Variants in STK17B observed in about 807,000 individuals in gnomAD.
The protein encoded by STK17B is serine/threonine kinase 17b, also known as serine/threonine-protein kinase 17B.
STK17B carries 21 observed loss-of-function variants against 42.0 expected under a neutral mutation model. That is an observed-to-expected ratio of 0.50 (90% CI 0.35 to 0.72). The LOEUF is 0.72. Ranked by LOEUF, STK17B falls within the 30% of genes least tolerant of loss-of-function variation. The probability of loss-of-function intolerance (pLI) is 0.00; values close to 1 mark genes in which losing one functional copy is unlikely to be tolerated. For synonymous variants in STK17B, 143 were observed against 148.4 expected (o/e 0.96, Z 0.26); for missense variants, 349 against 446.0 (o/e 0.78, Z 1.96).
upstream of STK17B, among the ~76,000 whole-genome samples, chr2:196,175,463 TA>T (rs1178086260): frequency 6.6e-6 from 1 of 152,046 alleles, no homozygotes; most frequent in East Asian, 1.9e-4. Flanking sequence ...CCGTCTCTAC[TA>T]AAAATACAAA....
chr2:196,150,052 A>C (rs1699642025), intron 3 of STK17B, among the ~76,000 whole-genome samples: 1 of 152,162 alleles, frequency 6.6e-6, no homozygotes, highest in African/African-American at 2.4e-5. Flanking sequence ...AGAGGAGGGA[A>C]AGAACTGATA....
At chr2:196,170,146 T>A (rs1419372696) in intron 1 of STK17B, among the ~76,000 whole-genome samples, 1 of 152,072 alleles carries the variant, frequency 6.6e-6, no homozygotes, top group African/African-American at 2.4e-5. Context: ...CAGTTCACCA[T>A]AAAACTAAAA....
chr2:196,163,068 T>G (rs1519602), intron 2 of STK17B, among the ~76,000 whole-genome samples, 194 bp downstream of exon 2: 97,821 of 151,824 alleles, frequency 0.64, 31,848 homozygotes, highest in East Asian at 0.92. Flanking sequence ...GATGTATGAT[T>G]TAAGTTCACT....
At chr2:196,152,627 CATA>C (rs1699681257) in intron 3 of STK17B, among the ~76,000 whole-genome samples, 1 of 151,936 alleles carries the variant, frequency 6.6e-6, no homozygotes, top group Admixed American at 6.6e-5. Flanking sequence ...AGAAACTGGC[CATA>C]ATAATAGTCA....
upstream of STK17B, among the ~76,000 whole-genome samples, chr2:196,175,497 G>T (rs1017773297): frequency 8.5e-5 from 13 of 152,116 alleles, no homozygotes; most frequent in African/African-American, 2.9e-4. Context: ...ATGGTGGCAG[G>T]TTCCTGTGAT....
chr2:196,155,371 A>C (rs1369896241), intron 3 of STK17B, among the ~76,000 whole-genome samples: 2 of 152,200 alleles, frequency 1.3e-5, no homozygotes, highest in Non-Finnish European at 2.9e-5. Context: ...TTCTTAAATG[A>C]ACTACTTGTC....
At chr2:196,148,708 TA>T (rs1699617650) in intron 3 of STK17B, among the ~76,000 whole-genome samples, 1 of 152,212 alleles carries the variant, frequency 6.6e-6, no homozygotes, top group Admixed American at 6.5e-5. Flanking sequence ...ATTGTTTAGG[TA>T]AGACATTTAT....
chr2:196,152,356 C>T (rs1699677503), intron 3 of STK17B, among the ~76,000 whole-genome samples: 1 of 152,180 alleles, frequency 6.6e-6, no homozygotes, highest in African/African-American at 2.4e-5. Context: ...ATCCTCCTGC[C>T]CTGGCCTCCC....
chr2:196,173,958 GA>G (rs1169196359), upstream of STK17B, among the ~76,000 whole-genome samples: 1 of 152,118 alleles, frequency 6.6e-6, no homozygotes, highest in African/African-American at 2.4e-5. Flanking sequence ...CTGGTGTCCT[GA>G]TAAGAAGAAA....
intron 4 of STK17B, among the ~76,000 whole-genome samples, chr2:196,144,462 G>A (rs1437799625): frequency 7.1e-5 from 8 of 112,286 alleles, no homozygotes; most frequent in Non-Finnish European, 1.3e-4. Flanking sequence ...AATTCAGCCT[G>A]GGCGACAGAG....
intron 6 of STK17B, among the ~76,000 whole-genome samples, chr2:196,140,129 A>G (rs1232014347): frequency 3.3e-5 from 5 of 152,242 alleles, no homozygotes; most frequent in African/African-American, 1.2e-4. Context: ...ATGGCAAAGT[A>G]ATGACTTGTG....
At chr2:196,160,855 T>TAA (rs1699802502) in intron 2 of STK17B, among the ~76,000 whole-genome samples, 1 of 152,238 alleles carries the variant, frequency 6.6e-6, no homozygotes, top group South Asian at 2.1e-4. Context: ...AAAGTATGCC[T>TAA]AATTCAACTT....
chr2:196,163,036 C>CA (rs1232313914), intron 2 of STK17B, among the ~76,000 whole-genome samples: 1 of 152,176 alleles, frequency 6.6e-6, no homozygotes, highest in Non-Finnish European at 1.5e-5. Context: ...GACCTCCTAT[C>CA]AGAGGCTCTG....
At chr2:196,139,545 G>T (rs1264043447) in intron 7 of STK17B, 75 bp downstream of exon 7, 4 of 903,348 alleles carry the variant, frequency 4.4e-6, no homozygotes, top group Non-Finnish European at 4.5e-6. Context: ...TTCTTAATAG[G>T]TATATATTAT....
chr2:196,166,839 A>G (rs1002040258), intron 1 of STK17B, among the ~76,000 whole-genome samples: 1 of 152,236 alleles, frequency 6.6e-6, no homozygotes, highest in African/African-American at 2.4e-5. Flanking sequence ...CATGATATTT[A>G]TTTCAAAATT....
chr2:196,170,754 A>T (rs1427051032), intron 1 of STK17B: 1 of 152,298 alleles, frequency 6.6e-6, no homozygotes, highest in Non-Finnish European at 1.5e-5. Context: ...AAACAGCTGT[A>T]GCCCGTCTTG....
intron 3 of STK17B, among the ~76,000 whole-genome samples, chr2:196,147,085 C>A (rs1368177673): frequency 6.6e-6 from 1 of 151,950 alleles, no homozygotes; most frequent in East Asian, 1.9e-4. Context: ...GCAGAAATAT[C>A]AATAAAATCC....
intron 1 of STK17B, among the ~76,000 whole-genome samples, chr2:196,166,519 T>G (rs958122166): frequency 6.6e-6 from 1 of 152,236 alleles, no homozygotes; most frequent in Non-Finnish European, 1.5e-5. Context: ...GGTAAGTAAA[T>G]TTATATGCAT....
chr2:196,136,869 G>A lies in STK17B; in HGVS notation c.*578C>T, dbSNP rs938011832. ...AACTCCCTCTTTGCTCTAGTTAAAG[G>A]ATCTCTCTCATATAACAGACCACAG... is the stretch of plus-strand genomic sequence containing the variant. On this transcript the variant is annotated 3_prime_UTR_variant, in exon 8 of 8. Transcript: ENST00000263955. 4.6e-5 allele frequency: 7 copies of A among 152,136 alleles called. No individual in the cohort carries two copies. The highest frequency in any genetic ancestry group is 1.4e-4 in the African/African-American group (6 of 41,408). 9.4% of individuals were successfully genotyped at this position (152,136 alleles called of 1,614,324 possible).
Sources: gnomAD v4.1 joint callset for allele counts (sites outside exome capture counted in the v4.1 genomes callset) on GRCh38, gnomAD v4.1.1 for gene constraint, MANE v1.5 for transcripts, NCBI Gene and HGNC (gene_info 2026-07-23, HGNC 2026-07-21) for gene names.